The following VPS13A variants were observed in gnomAD, a reference collection of about 807,000 sequenced individuals.
VPS13A encodes the protein intermembrane lipid transfer protein VPS13A.
In VPS13A, 264 loss-of-function variants were observed where a neutral mutation model predicts 390.9. The observed-to-expected ratio is 0.68, with a 90% CI of 0.61 to 0.75. The LOEUF (loss-of-function observed/expected upper bound fraction) is 0.75. VPS13A is among the 30% of genes least tolerant of loss of function. The pLI is 0.00. For synonymous variants in VPS13A, 1,231 were observed against 1,227.1 expected (o/e 1.00, Z -0.07); for missense variants, 3,409 against 3,733.9 (o/e 0.91, Z 2.27).
chr9:77,293,397 T>C lies in VPS13A; in HGVS notation c.3396T>C (p.Asp1132=), dbSNP rs2131371827. Residue 1132 remains aspartate, a synonymous_variant, in exon 32 of 72, where the codon GAT becomes GAC. Transcript: ENST00000360280. ...GCTTCAAAATGGTTTCTTACATGGA[T>C]GCAACTGCTGGTTCTGCATACACAG... is the stretch of plus-strand genomic sequence containing the variant. ...VFSFKMVSYM[D]ATAGSAYTDM... is the part of the protein sequence containing the mutation. The C allele has an allele frequency of 6.2e-7, 1 of 1,613,506 alleles. No individual in the cohort carries two copies. Among genetic ancestry groups the C allele is most frequent in the Non-Finnish European group, 8.5e-7 (1 of 1,179,698 alleles).
Position 77,371,117 on chromosome 9 carries a change from C to T in VPS13A, c.9045C>T (p.Asp3015=), listed in dbSNP as rs760702123. Residue 3015 remains aspartate (D), a synonymous_variant, in exon 67 of 72, where the codon GAC becomes GAT. Coordinates refer to ENST00000360280, the MANE Select transcript of VPS13A (RefSeq NM_033305.3). ...CAAGGCCAACTGGAGGCATCATAGA[C>T]ATGGCTAGCAGTACATTTCAGGGAA... The part of the protein sequence containing the change: ...AVARPTGGII[D]MASSTFQGIK... 1 of 1,614,094 alleles carries T rather than the reference C, an allele frequency of 6.2e-7. No individual in the cohort carries two copies. Among genetic ancestry groups the T allele is most frequent in the South Asian group, 1.1e-5 (1 of 91,070 alleles).
At position 77,323,165 on chromosome 9, in the gene VPS13A, A is replaced by G. The variant is rs551610910; in HGVS notation, c.5929A>G (p.Ile1977Val). ...CAGAGAGTCTGGCGTTGAAAGATCT[A>G]TTGTTTGTCAAATTGATACAGTAGA... The part of the protein sequence containing the change: ...RHRESGVERS[I>V]VCQIDTVEGS... The change falls in exon 45 of 72, where the codon ATT (isoleucine) becomes GTT (valine). Residue 1977 changes from isoleucine to valine, a missense_variant. Transcript: ENST00000360280. 4 of 1,613,596 alleles carry G rather than the reference A, an allele frequency of 2.5e-6. No individual in the cohort carries two copies. The highest frequency in any genetic ancestry group is 1.3e-5 in the African/African-American group (1 of 75,014).
At chr9:77,276,291 A>G (rs1826666227) in intron 26 of VPS13A, 70 bp downstream of exon 26, 2 of 1,357,952 alleles carry the variant, frequency 1.5e-6, no homozygotes, top group Non-Finnish European at 2.0e-6. Flanking sequence ...AGAGTTTTCA[A>G]TTCTTTAGGC....
intron 31 of VPS13A, among the ~76,000 whole-genome samples, chr9:77,284,051 A>AT (rs983415994): frequency 1.4e-4 from 21 of 150,528 alleles, no homozygotes; most frequent in Non-Finnish European, 2.5e-4. Flanking sequence ...AGGAAGTGAG[A>AT]TTTTTTATAA....
chr9:77,280,328 A>G (rs1826946106), intron 27 of VPS13A, 90 bp downstream of exon 27: 1 of 1,071,554 alleles, frequency 9.3e-7, no homozygotes, highest in Non-Finnish European at 1.4e-6. Context: ...AGTTTATTTA[A>G]TCTTCACTGT....
In VPS13A at chr9:77,385,229, G is replaced by T. The variant is rs1833630557; in HGVS notation, c.9189+3142G>T. On this transcript the variant is annotated intron_variant, in intron 68 of 71. Transcript: ENST00000360280. Reference sequence around the variant, plus strand: ...TGTTGTTCTATCCCCAAATCATATAGATTGAACTGCTATTATAAAAAACAG... The same window carrying T: ...TGTTGTTCTATCCCCAAATCATATATATTGAACTGCTATTATAAAAAACAG... The T allele has an allele frequency of 5.9e-6, 5 of 848,366 alleles. No homozygotes were observed. The South Asian group carries it at 2.7e-4, about 46-fold the overall frequency. The allele number at this position is 848,366 out of a possible 1,614,324, so 52.6% of individuals were successfully genotyped here.
Position 77,275,580 on chromosome 9 carries a change from A to G in VPS13A, c.2595A>G (p.Arg865=), listed in dbSNP as rs895477531. Residue 865 remains arginine, a synonymous_variant, in exon 25 of 72, where the codon CGA becomes CGG. Transcript: ENST00000360280. Reference sequence around the variant, plus strand: ...TTCCAACTGGAGTTAAAAGTATTCGAACCAGAAAGTTACAAAAGCAGGATT... The same window carrying G: ...TTCCAACTGGAGTTAAAAGTATTCGGACCAGAAAGTTACAAAAGCAGGATT... ...LQFPTGVKSI[R]TRKLQKQDCS... 1 of 1,613,826 alleles carries G rather than the reference A, an allele frequency of 6.2e-7. No individual in the cohort carries two copies. The highest frequency in any genetic ancestry group is 8.5e-7 in the Non-Finnish European group (1 of 1,179,802).
Position 77,403,254 on chromosome 9 carries a change from T to C in VPS13A, c.9208T>C (p.Phe3070Leu), listed in dbSNP as rs1834464701. Residue 3070 changes from phenylalanine to leucine, a missense_variant, in exon 69 of 72, where the codon TTT becomes CTT. Phe to Leu is a conservative substitution (Grantham distance 22). Coordinates refer to ENST00000360280, the MANE Select transcript of VPS13A (RefSeq NM_033305.3). ...CTTTTAGGTCATGGAAAATGGAAGA[T>C]TTGCAAAATACAAATATTTTACCCA... Reference protein sequence around the residue: ...QMLQVMENGRFAKYKYFTHVM... With the variant: ...QMLQVMENGRLAKYKYFTHVM... The C allele has an allele frequency of 6.2e-7, 1 of 1,612,112 alleles. No homozygotes were observed. Among genetic ancestry groups the C allele is most frequent in the Admixed American group, 1.7e-5 (1 of 59,960 alleles).
At position 77,353,275 on chromosome 9, in the gene VPS13A, T is replaced by G. The variant is rs186204056; in HGVS notation, c.7420-134T>G. The G allele has an allele frequency of 1.2e-4, 78 of 653,712 alleles. No homozygotes were observed. In the East Asian group the frequency reaches 2.1e-3, roughly 18 times the overall value. 40.5% of individuals were successfully genotyped at this position (653,712 alleles called of 1,614,324 possible). On this transcript the variant is annotated intron_variant, in intron 53 of 71. Coordinates refer to ENST00000360280, the MANE Select transcript of VPS13A (RefSeq NM_033305.3). ...AAGTATTCTACAAATATTAATTCATTTAGTTGCCACTAACCCCATGAAGTA... is the reference window on the plus strand; with the variant it reads ...AAGTATTCTACAAATATTAATTCATGTAGTTGCCACTAACCCCATGAAGTA...
rs200022706 is a variant in VPS13A, at chr9:77,219,916, T to C, written c.755-38T>C. On this transcript the variant is annotated intron_variant, in intron 10 of 71. Coordinates refer to ENST00000360280, the MANE Select transcript of VPS13A (RefSeq NM_033305.3). Reference sequence around the variant, plus strand: ...CTTTATTGCCTTGAGACTTTGGAAATATAACTCAGTTTTTTTTCCATTTTT... The same window carrying C: ...CTTTATTGCCTTGAGACTTTGGAAACATAACTCAGTTTTTTTTCCATTTTT... 1.2e-3 allele frequency: 1,867 copies of C among 1,606,372 alleles called. 6 individuals are homozygous for C. Among genetic ancestry groups the C allele is most frequent in the South Asian group, 2.6e-3 (235 of 90,894 alleles).
intron 19 of VPS13A, among the ~76,000 whole-genome samples, chr9:77,245,383 G>C (rs1192848783): frequency 6.6e-6 from 1 of 152,212 alleles, no homozygotes; most frequent in African/African-American, 2.4e-5. Context: ...TTGAATGTCA[G>C]ATTGACCCTT....
rs1011088586 is a variant in VPS13A at position 77,177,581 on chromosome 9, G to C, written c.-124G>C. The C allele has an allele frequency of 1.1e-5, 9 of 851,208 alleles. No homozygotes were observed. In the African/African-American group the frequency reaches 1.2e-4, roughly 11 times the overall value. 52.7% of individuals were successfully genotyped at this position (851,208 alleles called of 1,614,324 possible). ...GCTAGGGCTGCGCGTTGGGCCAGCGGGGGCGCCGCAGCTGAAGCCGCCCCG... is the reference window on the plus strand; with the variant it reads ...GCTAGGGCTGCGCGTTGGGCCAGCGCGGGCGCCGCAGCTGAAGCCGCCCCG... On this transcript the variant is annotated 5_prime_UTR_variant, in exon 1 of 72. Transcript: ENST00000360280.
At chr9:77,396,955 T>G (rs1471934609) in intron 68 of VPS13A, among the ~76,000 whole-genome samples, 1 of 152,242 alleles carries the variant, frequency 6.6e-6, no homozygotes, top group Non-Finnish European at 1.5e-5. Context: ...TCTTGCTTGA[T>G]AGTATTCATT....
intron 68 of VPS13A, among the ~76,000 whole-genome samples, chr9:77,399,945 ATCTC>A (rs781546486): frequency 5.3e-5 from 8 of 152,164 alleles, no homozygotes; most frequent in East Asian, 1.9e-4. Flanking sequence ...TATCTTATAC[ATCTC>A]TCTATGTCAG....
At position 77,238,277 on chromosome 9, in the gene VPS13A, A is replaced by T. The variant is rs148739733; in HGVS notation, c.1791A>T (p.Thr597=). 6.2e-7 allele frequency: 1 copy of T among 1,613,574 alleles called. No individual in the cohort carries two copies. The highest frequency in any genetic ancestry group is 2.2e-5 in the East Asian group (1 of 44,830). The change falls in exon 19 of 72, where the codon ACA becomes ACT. Residue 597 remains threonine (T), a synonymous_variant. Coordinates refer to ENST00000360280, the MANE Select transcript of VPS13A (RefSeq NM_033305.3). ...AATGATGTTTATTTTAACAGAGGACAGTGAATAGTATAGTGGAATTCTTCA... is the reference window on the plus strand; with the variant it reads ...AATGATGTTTATTTTAACAGAGGACTGTGAATAGTATAGTGGAATTCTTCA... ...EPLEIIYDAR[T]VNSIVEFFRP...
Position 77,220,066 on chromosome 9 carries a change from AT to A in VPS13A, c.870del (p.Phe290LeufsTer18). On this transcript the variant is annotated frameshift_variant, in exon 11 of 72. Transcript: ENST00000360280. LOFTEE classifies it high-confidence loss of function. ...TTGAGTTACATAACATAGCAATTGA[AT>A]TTAATAAACCACAGGTGATTTTCTT... Reference protein sequence around the residue: ...EIELHNIAIEFNKPQYFSIME... With the variant: ...EIELHNIAIEXNKPQYFSIME... 1.9e-6 allele frequency: 3 copies of A among 1,610,294 alleles called. No homozygotes were observed. The highest frequency in any genetic ancestry group is 2.5e-6 in the Non-Finnish European group (3 of 1,177,152).
chr9:77,315,576 T>A (rs1829336715), intron 38 of VPS13A, 106 bp downstream of exon 38: 2 of 1,129,370 alleles, frequency 1.8e-6, no homozygotes, highest in African/African-American at 3.1e-5. Flanking sequence ...TTTAAGAAAT[T>A]AAAATTTTAT....
chr9:77,306,401 A>AGAGAGAGTGT (rs550279922), intron 34 of VPS13A, among the ~76,000 whole-genome samples: 114 of 107,758 alleles, frequency 1.1e-3, no homozygotes, highest in African/African-American at 3.5e-3. Context: ...AGAGAGAGAG[A>AGAGAGAGTGT]GTGTGTGTGT....
At chr9:77,332,985 A>T (rs1830356649) in intron 46 of VPS13A, among the ~76,000 whole-genome samples, 1 of 152,114 alleles carries the variant, frequency 6.6e-6, no homozygotes, top group Admixed American at 6.6e-5. Context: ...GCTAAACCTA[A>T]AGAGTGTTTT....
Sources: gnomAD v4.1 joint callset for allele counts (sites outside exome capture counted in the v4.1 genomes callset) on GRCh38, gnomAD v4.1.1 for gene constraint, MANE v1.5 for transcripts, NCBI Gene and HGNC (gene_info 2026-07-23, HGNC 2026-07-21) for gene names.